VRK2: variants seen among roughly 807,000 people sequenced by gnomAD.
VRK2 encodes the protein serine/threonine-protein kinase VRK2.
Under a neutral mutation model 57.6 loss-of-function variants are expected in VRK2, and 60 were observed. The observed-to-expected ratio is 1.04, with a 90% CI of 0.85 to 1.29. The LOEUF (loss-of-function observed/expected upper bound fraction) is 1.29. VRK2 is among the 50% of genes most tolerant of loss of function. The pLI, the probability that VRK2 is intolerant of heterozygous loss-of-function variation, is 0.00. For missense variants in VRK2, 705 were observed against 588.1 expected (o/e 1.20, Z -2.06); for synonymous variants, 231 against 199.2 (o/e 1.16, Z -1.35).
chr2:57,918,946 T>G (rs1420126564), intron 1 of VRK2, among the ~76,000 whole-genome samples: 2 of 152,164 alleles, frequency 1.3e-5, no homozygotes, highest in South Asian at 4.1e-4. Context: ...TGGTCTGGTA[T>G]TGGCATGACT....
chr2:57,940,011 G>T (rs1234971652), intron 1 of VRK2, among the ~76,000 whole-genome samples: 1 of 152,102 alleles, frequency 6.6e-6, no homozygotes, highest in Non-Finnish European at 1.5e-5. Context: ...TCTCGAAATA[G>T]AAATCTCACA....
chr2:58,069,801 T>G (rs1429112857), intron 2 of VRK2, among the ~76,000 whole-genome samples: 1 of 152,140 alleles, frequency 6.6e-6, no homozygotes, highest in Non-Finnish European at 1.5e-5. Flanking sequence ...CCTACTCTTC[T>G]TAACTAGAGA....
chr2:58,031,642 T>C (rs532737643), intron 2 of VRK2, among the ~76,000 whole-genome samples: 2 of 152,218 alleles, frequency 1.3e-5, no homozygotes, highest in South Asian at 2.1e-4. Flanking sequence ...AATGATAGCT[T>C]ATATCTTTCC....
Position 58,159,376 on chromosome 2 carries a change from CAA to C in VRK2, c.1211_1212del (p.Gln404ArgfsTer8), listed in dbSNP as rs756707104. ...QESTRRRQKY[Q>X]ESQEPLNEVN... ...AAGCACAAGGAGAAGACAGAAATAT[CAA>C]GAGTCTCAAGAACCTTTGAATGAAG... On this transcript the variant is annotated frameshift_variant, in exon 13 of 13. Transcript: ENST00000340157. LOFTEE classifies it low-confidence loss of function (END_TRUNC). 4.3e-6 allele frequency: 7 copies of C among 1,609,926 alleles called. No individual in the cohort carries two copies. The South Asian group carries it at 7.7e-5, about 18-fold the overall frequency.
intron 3 of VRK2, among the ~76,000 whole-genome samples, chr2:58,035,296 C>T (rs1317557233): frequency 6.6e-6 from 1 of 151,988 alleles, no homozygotes; most frequent in East Asian, 1.9e-4. Context: ...GAGATAAAAA[C>T]CTGCTCTTAT....
chr2:58,047,296 G>C, intron 1 of VRK2: 1 of 476,664 alleles, frequency 2.1e-6, no homozygotes, highest in Non-Finnish European at 2.7e-6. Flanking sequence ...CGGGGTTGGA[G>C]GTCAGCCCAG....
At chr2:58,028,899 AATAAATATATATATATATATATATAT>A (rs1369798573) in intron 2 of VRK2, among the ~76,000 whole-genome samples, 1,608 of 80,884 alleles carry the variant, frequency 0.02, 58 homozygotes, top group African/African-American at 0.066. Flanking sequence ...TAAATAAATA[AATAAATATATATATATATATATATAT>A]ATATATATAT....
intron 7 of VRK2, among the ~76,000 whole-genome samples, chr2:58,113,221 C>T (rs1429126141): frequency 6.6e-6 from 1 of 151,340 alleles, no homozygotes; most frequent in Non-Finnish European, 1.5e-5. Flanking sequence ...CGGCAGGAGA[C>T]TCACATGAAC....
At chr2:58,087,561 G>T (rs920759681) in intron 5 of VRK2, among the ~76,000 whole-genome samples, 2 of 152,148 alleles carry the variant, frequency 1.3e-5, no homozygotes, top group South Asian at 4.1e-4. Flanking sequence ...GGCTGATGTG[G>T]ATATATAAAT....
At chr2:58,144,350 G>A (rs913633779) in intron 11 of VRK2, among the ~76,000 whole-genome samples, 1 of 151,980 alleles carries the variant, frequency 6.6e-6, no homozygotes, top group Non-Finnish European at 1.5e-5. Flanking sequence ...TAGTAATACT[G>A]TGTTGTATTC....
At chr2:57,921,243 T>G (rs546016725) in intron 1 of VRK2, among the ~76,000 whole-genome samples, 1 of 152,026 alleles carries the variant, frequency 6.6e-6, no homozygotes, top group East Asian at 1.9e-4. Context: ...GGCATCTAAG[T>G]AATTCCATTT....
At chr2:58,029,611 T>C (rs942959751) in intron 2 of VRK2, among the ~76,000 whole-genome samples, 2 of 152,160 alleles carry the variant, frequency 1.3e-5, no homozygotes, top group African/African-American at 4.8e-5. Flanking sequence ...TCATCTCTTA[T>C]GACCAGATTA....
At chr2:58,006,182 G>A (rs1673236515) in intron 1 of VRK2, among the ~76,000 whole-genome samples, 1 of 152,196 alleles carries the variant, frequency 6.6e-6, no homozygotes, top group South Asian at 2.1e-4. Context: ...CTGGTATAAA[G>A]GGTGTGAGAT....
chr2:57,965,582 G>C lies in VRK2; in HGVS notation c.-439+57743G>C, dbSNP rs563897136. ...TTTGCTTCTCAGGTTTCTTGATAAG[G>C]GGGAGGGAGCTTTCCCTACTTAGTG... On this transcript the variant is annotated intron_variant, in intron 1 of 15. Coordinates refer to the VRK2 transcript ENST00000417641. Among the ~76,000 whole-genome samples, 3 of 152,172 alleles carry C rather than the reference G, an allele frequency of 2.0e-5. No individual in the cohort carries two copies. The South Asian group carries it at 6.2e-4, about 32-fold the overall frequency.
At chr2:57,997,795 TG>T (rs2103617184) in intron 1 of VRK2, among the ~76,000 whole-genome samples, 1 of 151,498 alleles carries the variant, frequency 6.6e-6, no homozygotes, top group South Asian at 2.1e-4. Flanking sequence ...CTCAGGAGGC[TG>T]AAGTGGGTGG....
intron 7 of VRK2, among the ~76,000 whole-genome samples, chr2:58,112,562 C>T (rs1299779298): frequency 7.4e-6 from 1 of 135,262 alleles, no homozygotes; most frequent in Admixed American, 7.1e-5. Context: ...AATGAGCTGA[C>T]AGTATAGTAA....
chr2:58,033,024 T>G (rs1024886916), intron 2 of VRK2, among the ~76,000 whole-genome samples: 1 of 152,100 alleles, frequency 6.6e-6, no homozygotes, highest in African/African-American at 2.4e-5. Context: ...TATCATCACA[T>G]TGGGTGTTAG....
At chr2:57,967,118 G>A (rs1008849748) in intron 1 of VRK2, among the ~76,000 whole-genome samples, 7 of 151,902 alleles carry the variant, frequency 4.6e-5, no homozygotes, top group African/African-American at 9.7e-5. Flanking sequence ...TCAAACTAAC[G>A]CAAGAACAGA....
At chr2:57,991,804 A>AT (rs1672776594) in intron 1 of VRK2, among the ~76,000 whole-genome samples, 2 of 151,454 alleles carry the variant, frequency 1.3e-5, no homozygotes, top group East Asian at 1.9e-4. Context: ...AAAAAAAAAA[A>AT]AAAATTATCT....
Sources: gnomAD v4.1 joint callset for allele counts (sites outside exome capture counted in the v4.1 genomes callset) on GRCh38, gnomAD v4.1.1 for gene constraint, MANE v1.5 for transcripts, NCBI Gene and HGNC (gene_info 2026-07-23, HGNC 2026-07-21) for gene names.